DOCK4: variants seen among roughly 807,000 people sequenced by gnomAD.
DOCK4 encodes the protein dedicator of cytokinesis 4.
DOCK4 carries 97 observed loss-of-function variants against 268.1 expected under a neutral mutation model. The ratio of observed to expected loss-of-function variants is 0.36; its 90% CI spans 0.31 to 0.43. The LOEUF is 0.43. Ranked by LOEUF, DOCK4 falls within the 20% of genes least tolerant of loss-of-function variation. DOCK4 has a pLI of 1.00. For missense variants in DOCK4, 2,145 were observed against 2,455.7 expected (o/e 0.87, Z 2.67); for synonymous variants, 954 against 887.2 (o/e 1.08, Z -1.34).
At chr7:112,039,061 A>C (rs1804112674) in intron 1 of DOCK4, among the ~76,000 whole-genome samples, 2 of 152,142 alleles carry the variant, frequency 1.3e-5, no homozygotes, top group Non-Finnish European at 2.9e-5. Flanking sequence ...TAGATGGAGG[A>C]GGCAGAACAG....
rs376121372 is a variant in DOCK4, at chr7:112,130,773, G to T, written c.37+75329C>A. Among the ~76,000 whole-genome samples, 6 of 152,306 alleles carry T rather than the reference G, an allele frequency of 3.9e-5. No individual in the cohort carries two copies. The East Asian group carries it at 1.2e-3, about 29-fold the overall frequency. ...AGAGGCTGAGTAAAAATACAGACGC[G>T]TCCTACCAAAAGGAACCAATAATTC... On this transcript the variant is annotated intron_variant, in intron 1 of 52. Coordinates refer to ENST00000428084, the MANE Select transcript of DOCK4 (RefSeq NM_001363540.2).
chr7:112,197,945 A>G (rs371920417), intron 1 of DOCK4, among the ~76,000 whole-genome samples: 49 of 144,454 alleles, frequency 3.4e-4, no homozygotes, highest in African/African-American at 1.2e-3. Flanking sequence ...AAAAATCTTC[A>G]TCTTACATAA....
intron 12 of DOCK4, among the ~76,000 whole-genome samples, chr7:111,920,785 CAG>C (rs756694318): frequency 5.9e-4 from 89 of 151,824 alleles, no homozygotes; most frequent in Non-Finnish European, 1.2e-3. Flanking sequence ...GAAACTTATA[CAG>C]AGAGAGACAG....
chr7:112,024,934 T>C (rs193038024), intron 1 of DOCK4, among the ~76,000 whole-genome samples: 4 of 152,272 alleles, frequency 2.6e-5, no homozygotes, highest in Non-Finnish European at 5.9e-5. Context: ...GCTACAGAAC[T>C]TCACAGGAAA....
chr7:112,096,212 G>A (rs946251073), intron 1 of DOCK4, among the ~76,000 whole-genome samples: 2 of 151,698 alleles, frequency 1.3e-5, no homozygotes, highest in African/African-American at 4.8e-5. Flanking sequence ...GTCTTATTCT[G>A]TTCTTCAGGC....
At chr7:111,907,605 G>A (rs1432685552) in intron 13 of DOCK4, among the ~76,000 whole-genome samples, 1 of 152,176 alleles carries the variant, frequency 6.6e-6, no homozygotes, top group East Asian at 1.9e-4. Flanking sequence ...GCATTCATTG[G>A]TTAAAGACCA....
At chr7:111,955,410 G>A (rs1219923417) in intron 8 of DOCK4, among the ~76,000 whole-genome samples, 1 of 152,158 alleles carries the variant, frequency 6.6e-6, no homozygotes, top group Non-Finnish European at 1.5e-5. Flanking sequence ...ATTGAGTGTT[G>A]AGGACTATGC....
At chr7:111,891,014 T>C (rs1404792400) in intron 16 of DOCK4, among the ~76,000 whole-genome samples, 1 of 152,174 alleles carries the variant, frequency 6.6e-6, no homozygotes, top group African/African-American at 2.4e-5. Flanking sequence ...ACACAGAACA[T>C]GGTTTATAAA....
chr7:111,938,538 C>T (rs1212453849), intron 11 of DOCK4, among the ~76,000 whole-genome samples: 2 of 152,124 alleles, frequency 1.3e-5, no homozygotes, highest in Non-Finnish European at 2.9e-5. Flanking sequence ...TATATTAGGC[C>T]TCAACGTCCA....
chr7:111,890,433 A>G (rs1246957107), intron 16 of DOCK4, among the ~76,000 whole-genome samples: 1 of 152,160 alleles, frequency 6.6e-6, no homozygotes, highest in Non-Finnish European at 1.5e-5. Flanking sequence ...CCATTTGGAG[A>G]TATCACTGAT....
intron 8 of DOCK4, chr7:111,971,497 C>T (rs554210404): frequency 2.0e-4 from 41 of 200,520 alleles, no homozygotes; most frequent in East Asian, 8.0e-4. Flanking sequence ...CATTTTATGA[C>T]GCAGGGCAGG....
chr7:111,751,757 AT>A (rs530562921), intron 42 of DOCK4, among the ~76,000 whole-genome samples: 1,754 of 149,036 alleles, frequency 0.012, 32 homozygotes, highest in African/African-American at 0.039. Context: ...AAAATATATA[AT>A]TTTTTTTTTT....
At chr7:111,899,299 CT>C (rs775185326) in intron 15 of DOCK4, among the ~76,000 whole-genome samples, 5 of 152,202 alleles carry the variant, frequency 3.3e-5, no homozygotes, top group Non-Finnish European at 5.9e-5. Context: ...GGCAAAGCCC[CT>C]ATTCCTTCCA....
intron 26 of DOCK4, among the ~76,000 whole-genome samples, chr7:111,824,468 AC>A (rs1802244928): frequency 6.6e-6 from 1 of 152,200 alleles, no homozygotes; most frequent in Admixed American, 6.5e-5. Flanking sequence ...TAGGAACAGT[AC>A]AAATAAATTC....
chr7:112,090,871 G>A (rs1417535950), intron 1 of DOCK4, among the ~76,000 whole-genome samples: 1 of 152,074 alleles, frequency 6.6e-6, no homozygotes, highest in East Asian at 1.9e-4. Flanking sequence ...GGGTAATAAC[G>A]TTATTTGGCT....
intron 8 of DOCK4, among the ~76,000 whole-genome samples, chr7:111,963,053 G>T (rs541981556): frequency 6.6e-6 from 1 of 152,288 alleles, no homozygotes; most frequent in South Asian, 2.1e-4. Flanking sequence ...TACGTTAATA[G>T]ATTAGTCCCA....
chr7:111,739,983 T>C (rs937092730), intron 47 of DOCK4: 5 of 302,666 alleles, frequency 1.7e-5, no homozygotes, highest in Non-Finnish European at 3.3e-5. Flanking sequence ...GCAGGAGTTA[T>C]ACTGGCTCTA....
At position 112,051,337 on chromosome 7, in the gene DOCK4, G is replaced by T. The variant is rs1218765159; in HGVS notation, c.38-47206C>A. On this transcript the variant is annotated intron_variant, in intron 1 of 52. Coordinates refer to ENST00000428084, the MANE Select transcript of DOCK4 (RefSeq NM_001363540.2). ...CTTCAACAGCAGGATTTACTAATATGATGGAGGGTAGGTTTGGTGGCACCA... is the reference window on the plus strand; with the variant it reads ...CTTCAACAGCAGGATTTACTAATATTATGGAGGGTAGGTTTGGTGGCACCA... 2.6e-5 allele frequency among the ~76,000 whole-genome samples: 4 copies of T among 152,216 alleles called. No homozygotes were observed. In the East Asian group the frequency reaches 7.7e-4, roughly 29 times the overall value.
chr7:112,165,541 T>TGC (rs1563149100), intron 1 of DOCK4, among the ~76,000 whole-genome samples: 4 of 136,596 alleles, frequency 2.9e-5, no homozygotes, highest in East Asian at 2.6e-4. Context: ...TGTGTGTGTG[T>TGC]GTGTGTGTGT....
Sources: allele counts gnomAD v4.1 joint callset (sites outside exome capture counted in the v4.1 genomes callset), GRCh38; gene constraint gnomAD v4.1.1; transcripts MANE v1.5; gene names NCBI Gene and HGNC (gene_info 2026-07-23, HGNC 2026-07-21).